The following KSR2 variants were observed in gnomAD, a reference collection of about 807,000 sequenced individuals.
KSR2 encodes the protein kinase suppressor of ras 2.
KSR2 carries 25 observed loss-of-function variants against 107.8 expected under a neutral mutation model. That is an observed-to-expected ratio of 0.23 (90% CI 0.17 to 0.32). The LOEUF (loss-of-function observed/expected upper bound fraction) is 0.32, where lower values mean the gene tolerates loss of function less well. Ranked by LOEUF, KSR2 falls within the 10% of genes least tolerant of loss-of-function variation. The probability of loss-of-function intolerance (pLI) is 1.00; values close to 1 mark genes in which losing one functional copy is unlikely to be tolerated. For synonymous variants in KSR2, 480 were observed against 507.0 expected (o/e 0.95, Z 0.71); for missense variants, 887 against 1,268.9 (o/e 0.70, Z 4.57).
At chr12:117,735,535 C>T (rs1174477714) in intron 4 of KSR2, among the ~76,000 whole-genome samples, 4 of 152,190 alleles carry the variant, frequency 2.6e-5, no homozygotes, top group Admixed American at 2.0e-4. Flanking sequence ...GGGACCTCAT[C>T]CCTGAGACTA....
intron 4 of KSR2, among the ~76,000 whole-genome samples, chr12:117,679,042 C>A (rs879340724): frequency 6.6e-6 from 1 of 152,176 alleles, no homozygotes; most frequent in South Asian, 2.1e-4. Context: ...TTCATGAAGG[C>A]ACATGGCCCA....
chr12:117,803,485 G>A (rs1320085669), intron 3 of KSR2, among the ~76,000 whole-genome samples: 1 of 152,022 alleles, frequency 6.6e-6, no homozygotes, highest in African/African-American at 2.4e-5. Flanking sequence ...GGCGGATCAC[G>A]AGGTCAGGAG....
chr12:117,692,059 A>G (rs1344044633), intron 4 of KSR2, among the ~76,000 whole-genome samples: 6 of 152,104 alleles, frequency 3.9e-5, no homozygotes, highest in Non-Finnish European at 8.8e-5. Context: ...AGGCTGGTAG[A>G]GGCTTAAGGG....
chr12:117,515,050 G>T (rs987030462), intron 14 of KSR2, among the ~76,000 whole-genome samples: 2 of 152,084 alleles, frequency 1.3e-5, no homozygotes, highest in African/African-American at 4.8e-5. Flanking sequence ...ATGTACCCCT[G>T]GGATCTTATT....
chr12:117,864,235 G>A (rs1334252749), intron 1 of KSR2, among the ~76,000 whole-genome samples: 2 of 152,170 alleles, frequency 1.3e-5, no homozygotes. Flanking sequence ...ATGAAGTGGG[G>A]AGATTAGGTA....
At chr12:117,749,143 G>A (rs1204960583) in intron 4 of KSR2, among the ~76,000 whole-genome samples, 1 of 92,654 alleles carries the variant, frequency 1.1e-5, no homozygotes, top group African/African-American at 6.3e-5. Context: ...AAAAGCAAAC[G>A]AACAATACCT....
At chr12:117,758,872 G>A (rs1355064945) in intron 4 of KSR2, among the ~76,000 whole-genome samples, 1 of 152,070 alleles carries the variant, frequency 6.6e-6, no homozygotes, top group Non-Finnish European at 1.5e-5. Flanking sequence ...CACAAAGTGT[G>A]GGGCCACCGT....
At chr12:117,620,652 C>A (rs1170239947) in intron 5 of KSR2, among the ~76,000 whole-genome samples, 1 of 152,152 alleles carries the variant, frequency 6.6e-6, no homozygotes, top group East Asian at 1.9e-4. Flanking sequence ...TCCCTAGCTC[C>A]AATATCAGCA....
chr12:117,657,222 T>C (rs1366617380), intron 5 of KSR2, among the ~76,000 whole-genome samples: 2 of 151,872 alleles, frequency 1.3e-5, no homozygotes, highest in African/African-American at 4.8e-5. Flanking sequence ...ACTCTGCCGC[T>C]ATGGACTAGA....
At position 117,946,939 on chromosome 12, in the gene KSR2, C is replaced by T. The variant is rs1027428030; in HGVS notation, c.180+21137G>A. ...CAGCAATTTGGGAGGCCGAGGCAGA[C>T]GGATTACTTGAGGCTAGGAGTTCAA... On this transcript the variant is annotated intron_variant, in intron 1 of 19. Transcript: ENST00000339824. 3.3e-5 allele frequency among the ~76,000 whole-genome samples: 5 copies of T among 151,752 alleles called. No homozygotes were observed. The South Asian group carries it at 8.3e-4, about 25-fold the overall frequency.
At chr12:117,733,580 A>C (rs1169350426) in intron 4 of KSR2, among the ~76,000 whole-genome samples, 2 of 152,142 alleles carry the variant, frequency 1.3e-5, no homozygotes, top group African/African-American at 2.4e-5. Flanking sequence ...TACAACAGGG[A>C]CCATATGGCT....
intron 1 of KSR2, among the ~76,000 whole-genome samples, chr12:117,952,724 C>A (rs906160569): frequency 6.6e-6 from 1 of 151,952 alleles, no homozygotes; most frequent in African/African-American, 2.4e-5. Flanking sequence ...CGGCTCACAC[C>A]TGAAATCCCA....
chr12:117,650,247 C>T (rs140321268), intron 5 of KSR2, among the ~76,000 whole-genome samples: 375 of 152,276 alleles, frequency 2.5e-3, no homozygotes, highest in Non-Finnish European at 3.7e-3. Context: ...ATCTTTCTCC[C>T]GTGCTGGATG....
chr12:117,849,600 C>A (rs1214249774), intron 3 of KSR2, among the ~76,000 whole-genome samples: 2 of 152,140 alleles, frequency 1.3e-5, no homozygotes, highest in African/African-American at 4.8e-5. Context: ...CTTCGGGGCT[C>A]CTTGGGCACT....
intron 4 of KSR2, among the ~76,000 whole-genome samples, chr12:117,689,871 G>A (rs2136567697): frequency 6.6e-6 from 1 of 152,224 alleles, no homozygotes; most frequent in Non-Finnish European, 1.5e-5. Flanking sequence ...AGGGGGGTGG[G>A]GGGAACTCCC....
chr12:117,913,922 T>C (rs1368806646), intron 1 of KSR2, among the ~76,000 whole-genome samples: 1 of 152,102 alleles, frequency 6.6e-6, no homozygotes, highest in South Asian at 2.1e-4. Flanking sequence ...GAATCCAGCA[T>C]CCAACACACC....
At chr12:117,527,163 A>G (rs1280367989) in intron 12 of KSR2, 44 bp from the exon 13 acceptor site, 1 of 1,429,262 alleles carries the variant, frequency 7.0e-7, no homozygotes, top group South Asian at 1.1e-5. Flanking sequence ...GTGAAAAGGC[A>G]GGTCTATATA....
chr12:117,640,372 T>C (rs1883301871), intron 5 of KSR2, among the ~76,000 whole-genome samples: 1 of 151,974 alleles, frequency 6.6e-6, no homozygotes, highest in Non-Finnish European at 1.5e-5. Context: ...CACCTCAGCC[T>C]CCCCAGTAGC....
intron 10 of KSR2, 57 bp downstream of exon 10, chr12:117,539,662 C>A: frequency 6.7e-7 from 1 of 1,489,280 alleles, no homozygotes; most frequent in East Asian, 2.4e-5. Flanking sequence ...CCACCCCCTC[C>A]CTAATCTCTG....
Sources: allele counts gnomAD v4.1 joint callset (sites outside exome capture counted in the v4.1 genomes callset), GRCh38; gene constraint gnomAD v4.1.1; transcripts MANE v1.5; gene names NCBI Gene and HGNC (gene_info 2026-07-23, HGNC 2026-07-21).